TEX9: variants seen among roughly 807,000 people sequenced by gnomAD.
TEX9 encodes the protein testis expressed 9, also known as testis-expressed protein 9.
TEX9 carries 74 observed loss-of-function variants against 59.6 expected under a neutral mutation model. That is an observed-to-expected ratio of 1.24 (90% CI 1.03 to 1.51). The LOEUF (loss-of-function observed/expected upper bound fraction) is 1.51. Ranked by LOEUF, TEX9 falls within the 40% of genes most tolerant of loss-of-function variation. The probability of loss-of-function intolerance (pLI) is 0.00; values close to 1 mark genes in which losing one functional copy is unlikely to be tolerated. For synonymous variants in TEX9, 186 were observed against 152.2 expected (o/e 1.22, Z -1.64); for missense variants, 522 against 447.8 (o/e 1.17, Z -1.49).
At chr15:56,357,991 T>C (rs1356082482) in intron 1 of TEX9, among the ~76,000 whole-genome samples, 7 of 152,146 alleles carry the variant, frequency 4.6e-5, no homozygotes, top group Admixed American at 1.3e-4. Context: ...GTCTTAATCT[T>C]AACCTGGGAA....
At chr15:56,310,216 G>C (rs1197284234) in intron 1 of TEX9, among the ~76,000 whole-genome samples, 1 of 152,156 alleles carries the variant, frequency 6.6e-6, no homozygotes, top group African/African-American at 2.4e-5. Context: ...TGGACCACCT[G>C]AGGTCAGGAG....
chr15:56,375,413 T>A (rs2047393409), intron 3 of TEX9, among the ~76,000 whole-genome samples: 1 of 152,066 alleles, frequency 6.6e-6, no homozygotes, highest in Non-Finnish European at 1.5e-5. Context: ...TTCTGGATAT[T>A]AGCCCTTTGT....
intron 12 of TEX9, among the ~76,000 whole-genome samples, chr15:56,441,696 C>T (rs773622863): frequency 2.6e-5 from 4 of 152,048 alleles, no homozygotes; most frequent in Non-Finnish European, 5.9e-5. Flanking sequence ...ATCTAAGGAA[C>T]GTAAACAAAT....
At chr15:56,441,320 G>T (rs753649430) in intron 12 of TEX9, among the ~76,000 whole-genome samples, 1 of 151,808 alleles carries the variant, frequency 6.6e-6, no homozygotes. Flanking sequence ...GATCTATCTC[G>T]GTGAAGGTTC....
chr15:56,344,654 A>T (rs191304713), intron 1 of TEX9, among the ~76,000 whole-genome samples: 11 of 152,230 alleles, frequency 7.2e-5, no homozygotes, highest in Admixed American at 5.9e-4. Flanking sequence ...ATTGTGTATT[A>T]TATACTCCAA....
chr15:56,384,513 C>T (rs1263714338), intron 4 of TEX9, among the ~76,000 whole-genome samples: 3 of 152,062 alleles, frequency 2.0e-5, no homozygotes, highest in African/African-American at 7.2e-5. Context: ...CGTGTGTGGA[C>T]CATGTAGAAA....
intron 9 of TEX9, chr15:56,409,804 G>A (rs1036301811): frequency 6.6e-6 from 1 of 152,226 alleles, no homozygotes; most frequent in African/African-American, 2.4e-5. Context: ...GCCTCCCTAA[G>A]ATTTTTACTT....
At chr15:56,270,185 A>T (rs1465323621) in intron 1 of TEX9, among the ~76,000 whole-genome samples, 1 of 152,104 alleles carries the variant, frequency 6.6e-6, no homozygotes, top group Non-Finnish European at 1.5e-5. Context: ...AGCTGAGTTT[A>T]AGTCCTGGAT....
intron 1 of TEX9, among the ~76,000 whole-genome samples, chr15:56,309,194 GTTTT>G (rs1203769533): frequency 6.6e-6 from 1 of 152,046 alleles, no homozygotes; most frequent in African/African-American, 2.4e-5. Context: ...CTAGCTGTAG[GTTTT>G]TTATCGATGG....
upstream of TEX9, among the ~76,000 whole-genome samples, chr15:56,361,907 T>C (rs1052752252): frequency 1.4e-5 from 2 of 146,410 alleles, no homozygotes; most frequent in South Asian, 4.1e-4. Flanking sequence ...AAGCAAAACA[T>C]AGTCCTGGTG....
intron 1 of TEX9, among the ~76,000 whole-genome samples, chr15:56,335,018 T>C (rs1218552544): frequency 3.3e-5 from 5 of 152,058 alleles, no homozygotes; most frequent in African/African-American, 1.2e-4. Flanking sequence ...CTGGTGAGGA[T>C]GAGGAGAAAA....
At chr15:56,250,979 T>G (rs1434067550) in intron 1 of TEX9, among the ~76,000 whole-genome samples, 1 of 152,236 alleles carries the variant, frequency 6.6e-6, no homozygotes, top group Non-Finnish European at 1.5e-5. Flanking sequence ...ACCATGACAC[T>G]TACCACACTC....
intron 1 of TEX9, among the ~76,000 whole-genome samples, chr15:56,259,826 A>G (rs2044223505): frequency 6.6e-6 from 1 of 152,088 alleles, no homozygotes; most frequent in South Asian, 2.1e-4. Context: ...CTTTTGAAGA[A>G]TAGCTTTTAA....
intron 1 of TEX9, among the ~76,000 whole-genome samples, chr15:56,347,044 G>A (rs2046484847): frequency 6.6e-6 from 1 of 152,068 alleles, no homozygotes; most frequent in Non-Finnish European, 1.5e-5. Context: ...GGACTTGTAT[G>A]GTGAAATCTG....
intron 1 of TEX9, among the ~76,000 whole-genome samples, chr15:56,268,427 T>C (rs1269616816): frequency 2.0e-5 from 3 of 152,152 alleles, no homozygotes; most frequent in Non-Finnish European, 2.9e-5. Flanking sequence ...ATGCTTCCAG[T>C]TTTTGCCCAT....
At chr15:56,308,714 A>C (rs1358162675) in intron 1 of TEX9, among the ~76,000 whole-genome samples, 2 of 152,088 alleles carry the variant, frequency 1.3e-5, no homozygotes, top group Admixed American at 1.3e-4. Context: ...GATTCATTTT[A>C]AATTAATTTT....
intron 1 of TEX9, among the ~76,000 whole-genome samples, chr15:56,295,953 G>C (rs1004106266): frequency 2.6e-5 from 4 of 152,142 alleles, no homozygotes; most frequent in Admixed American, 2.6e-4. Context: ...CCAAACTGCT[G>C]CCTCTCCTGG....
chr15:56,390,510 CT>C (rs1467072941), intron 6 of TEX9, among the ~76,000 whole-genome samples: 1 of 151,822 alleles, frequency 6.6e-6, no homozygotes, highest in Non-Finnish European at 1.5e-5. Flanking sequence ...ATTGTGAAGC[CT>C]TTGCTTATGT....
At chr15:56,380,771 G>T (rs2718917) in intron 3 of TEX9, among the ~76,000 whole-genome samples, 152,171 of 152,326 alleles carry the variant, frequency 1, 76,008 homozygotes, top group Middle Eastern at 1. Flanking sequence ...AGGTTTCCAC[G>T]GAGAAGTCTG....
Sources: gnomAD v4.1 joint callset for allele counts (sites outside exome capture counted in the v4.1 genomes callset) on GRCh38, gnomAD v4.1.1 for gene constraint, MANE v1.5 for transcripts, NCBI Gene and HGNC (gene_info 2026-07-23, HGNC 2026-07-21) for gene names.